The following TRIM17 variants were observed in gnomAD, a reference collection of about 807,000 sequenced individuals.
The protein encoded by TRIM17 is E3 ubiquitin-protein ligase TRIM17.
TRIM17 carries 27 observed loss-of-function variants against 35.8 expected under a neutral mutation model. The observed-to-expected ratio is 0.75, with a 90% confidence interval of 0.56 to 1.04. TRIM17 has a LOEUF of 1.04. Ranked by LOEUF, TRIM17 falls within the 50% of genes least tolerant of loss-of-function variation. TRIM17 has a pLI of 0.00. For synonymous variants in TRIM17, 246 were observed against 252.6 expected (o/e 0.97, Z 0.25); for missense variants, 582 against 612.8 (o/e 0.95, Z 0.53).
At chr1:228,409,316 G>A in intron 5 of TRIM17, 41 bp from the exon 6 acceptor site, 1 of 1,610,388 alleles carries the variant, frequency 6.2e-7, no homozygotes, top group Non-Finnish European at 8.5e-7. Flanking sequence ...TGACTCCCCT[G>A]GCCCGACAGT....
At chr1:228,415,337 T>C in intron 1 of TRIM17, 1 of 445,812 alleles carries the variant, frequency 2.2e-6, no homozygotes, top group Non-Finnish European at 4.0e-6. Context: ...TCCTCTCCAC[T>C]GGGCCTGGAC....
At chr1:228,415,851 C>T (rs1452219946) in intron 1 of TRIM17, 2 of 152,434 alleles carry the variant, frequency 1.3e-5, no homozygotes, top group Non-Finnish European at 2.9e-5. Flanking sequence ...CAAATACAAA[C>T]ATGTACGCAC....
chr1:228,415,467 A>G (rs1356813883), intron 1 of TRIM17: 1 of 188,228 alleles, frequency 5.3e-6, no homozygotes, highest in Non-Finnish European at 1.1e-5. Flanking sequence ...GAAGCCTGCT[A>G]GGTCAGCTTA....
Position 228,408,456 on chromosome 1 carries a change from C to T in TRIM17, c.1179G>A (p.Leu393=). Residue 393 remains leucine (L), a synonymous_variant, in exon 7 of 7, where the codon CTG becomes CTA. Transcript: ENST00000366698. The surrounding 1 kb of genome is among the most constrained non-coding windows in gnomAD (Gnocchi z 6.3). ...TGGATAAGTACTTGGTCCCCTTGGACAGCTGCACCACCCAGAAGCCGTTTT... is the reference window on the plus strand; with the variant it reads ...TGGATAAGTACTTGGTCCCCTTGGATAGCTGCACCACCCAGAAGCCGTTTT... ...CPENGFWVVQ[L]SKGTKYLSTF... 7 of 1,614,198 alleles carry T rather than the reference C, an allele frequency of 4.3e-6. No individual in the cohort carries two copies. The highest frequency in any genetic ancestry group is 5.9e-6 in the Non-Finnish European group (7 of 1,180,030).
In TRIM17 at chr1:228,416,579, C is replaced by T; in HGVS notation, c.-82G>A. 2 of 985,602 alleles carry T rather than the reference C, an allele frequency of 2.0e-6. No individual in the cohort carries two copies. The highest frequency in any genetic ancestry group is 1.1e-4 in the East Asian group (1 of 8,764). 61.1% of individuals were successfully genotyped at this position (985,602 alleles called of 1,614,324 possible). On this transcript the variant is annotated 5_prime_UTR_variant, in exon 1 of 7. Coordinates refer to ENST00000366698, the MANE Select transcript of TRIM17 (RefSeq NM_016102.4). ...CCCGCACAGCGCCTAGTGCACCTGG[C>T]CGAGCGCTCGCTGCCGGGAAAGGCT...
Position 228,408,151 on chromosome 1 carries a change from C to A in TRIM17, c.*50G>T, listed in dbSNP as rs781139852. On this transcript the variant is annotated 3_prime_UTR_variant, in exon 7 of 7. Coordinates refer to ENST00000366698, the MANE Select transcript of TRIM17 (RefSeq NM_016102.4). The surrounding 1 kb of genome is among the most constrained non-coding windows in gnomAD (Gnocchi z 6.3). ...AGGTGGCCTGCAGTAAGCAGAAGGCCCACACCTTCTGCAGAGCCAGGAGCA... is the reference window on the plus strand; with the variant it reads ...AGGTGGCCTGCAGTAAGCAGAAGGCACACACCTTCTGCAGAGCCAGGAGCA... The A allele has an allele frequency of 6.7e-7, 1 of 1,493,808 alleles. No individual in the cohort carries two copies. Among genetic ancestry groups the A allele is most frequent in the East Asian group, 2.3e-5 (1 of 43,508 alleles). 92.5% of individuals were successfully genotyped at this position (1,493,808 alleles called of 1,614,324 possible).
rs1009977722 is a variant in TRIM17, at chr1:228,416,458, C to T, written c.-42+81G>A. ...GGCGGGAAGGCCGGGCGTTGGAGGG[C>T]GAGGAGGACCGGGTTAGGCTTAGGT... is the stretch of plus-strand genomic sequence containing the variant. On this transcript the variant is annotated intron_variant, in intron 1 of 6. Transcript: ENST00000366698. The T allele has an allele frequency of 7.1e-6, 7 of 986,634 alleles. No homozygotes were observed. The African/African-American group carries it at 1.0e-4, about 15-fold the overall frequency. 61.1% of individuals were successfully genotyped at this position (986,634 alleles called of 1,614,324 possible). A position where few individuals can be genotyped will look rare whatever the true frequency, so the allele number is the denominator to read the frequency against.
chr1:228,409,168 T>G lies in TRIM17; in HGVS notation c.883+4A>C. On this transcript the variant is annotated splice_donor_region_variant and intron_variant, in intron 6 of 6. Transcript: ENST00000366698. ...AGAGGTCCTGGCCCTGGGTGCCCAC[T>G]TACCTAGAAAGCCTCTTAGCACTTC... 1 of 1,614,032 alleles carries G rather than the reference T, an allele frequency of 6.2e-7. No homozygotes were observed.
At position 228,411,816 on chromosome 1, in the gene TRIM17, A is replaced by G. The variant is rs547698711; in HGVS notation, c.526-640T>C. On this transcript the variant is annotated intron_variant, in intron 3 of 6. Transcript: ENST00000366698. This position sits in a 1 kb window ranked among gnomAD's most constrained non-coding sequence, Gnocchi z 4.2. ...CCCAGCTAATTTTTAATTTTTTTGTAGAGACAGGGTCTTGCTATGTTGCCC... is the reference window on the plus strand; with the variant it reads ...CCCAGCTAATTTTTAATTTTTTTGTGGAGACAGGGTCTTGCTATGTTGCCC... Among the ~76,000 whole-genome samples, 3 of 151,388 alleles carry G rather than the reference A, an allele frequency of 2.0e-5. No homozygotes were observed. The highest frequency in any genetic ancestry group is 2.0e-4 in the East Asian group (1 of 5,066).
chr1:228,409,080 C>A, intron 6 of TRIM17, 92 bp downstream of exon 6: 1 of 1,613,722 alleles, frequency 6.2e-7, no homozygotes, highest in Non-Finnish European at 8.5e-7. Context: ...TTGTAGAACC[C>A]CCCCCATTGG....
At chr1:228,413,741 A>G in intron 3 of TRIM17, 56 bp downstream of exon 3, 5 of 1,445,196 alleles carry the variant, frequency 3.5e-6, no homozygotes, top group Non-Finnish European at 4.9e-6. Context: ...CAGACGTGGA[A>G]ATGCAGGAAG....
intron 4 of TRIM17, 41 bp from the exon 5 acceptor site, chr1:228,409,452 T>C: frequency 6.8e-7 from 1 of 1,474,574 alleles, no homozygotes; most frequent in Non-Finnish European, 9.0e-7. Context: ...TGAGCCAAGC[T>C]CCTGGCTCAC....
intron 6 of TRIM17, 89 bp downstream of exon 6, chr1:228,409,083 C>T (rs760089627): frequency 1.9e-6 from 3 of 1,613,708 alleles, no homozygotes; most frequent in Non-Finnish European, 2.5e-6. Context: ...TAGAACCCCC[C>T]CCATTGGTGG....
chr1:228,413,225 A>G (rs1324001140), intron 3 of TRIM17, among the ~76,000 whole-genome samples: 1 of 151,998 alleles, frequency 6.6e-6, no homozygotes, highest in East Asian at 1.9e-4. Context: ...AAAAAAAAAA[A>G]AAAAAATTAA....
In TRIM17 at chr1:228,414,913, G is replaced by A. The variant is rs369849895; in HGVS notation, c.160C>T (p.Arg54Trp). ...CAGGGGAAGGAGCCCTTCCGCTTCC[G>A]CCTCCCCTTCTTGCCCCTCGCCTTT... ...WEKARGKKGR[R>W]KRKGSFPCPE... The change falls in exon 2 of 7, where the codon CGG becomes TGG. Residue 54 changes from arginine to tryptophan, a missense_variant. Arg to Trp is a moderately radical substitution (Grantham distance 101). Coordinates refer to ENST00000366698, the MANE Select transcript of TRIM17 (RefSeq NM_016102.4). The A allele has an allele frequency of 9.3e-6, 15 of 1,613,360 alleles. No homozygotes were observed. Among genetic ancestry groups the A allele is most frequent in the Non-Finnish European group, 1.2e-5 (14 of 1,180,008 alleles).
At position 228,416,722 on chromosome 1, in the gene TRIM17, G is replaced by GGGGGGGGGGGGGGGGGGGGGGGGGGGC; in HGVS notation, c.-226_-225insGCCCCCCCCCCCCCCCCCCCCCCCCCC. 1.8e-6 allele frequency: 1 copy of GGGGGGGGGGGGGGGGGGGGGGGGGGGC among 567,958 alleles called. No homozygotes were observed. The highest frequency in any genetic ancestry group is 2.2e-6 in the Non-Finnish European group (1 of 453,458). 35.2% of individuals were successfully genotyped at this position (567,958 alleles called of 1,614,324 possible). The stretch of plus-strand genomic sequence containing the variant: ...GGGGCTGGGGGGCGGCGGGGGAGGG[G>GGGGGGGGGGGGGGGGGGGGGGGGGGGC]AATGCTGGGCGAGGGAGTGTTCGGC... On this transcript the variant is annotated 5_prime_UTR_variant, in exon 1 of 7. Coordinates refer to ENST00000366698, the MANE Select transcript of TRIM17 (RefSeq NM_016102.4).
At position 228,408,134 on chromosome 1, in the gene TRIM17, T is replaced by C. The variant is rs1656537320; in HGVS notation, c.*67A>G. 2.1e-6 allele frequency: 3 copies of C among 1,458,236 alleles called. No individual in the cohort carries two copies. The highest frequency in any genetic ancestry group is 2.4e-5 in the Admixed American group (1 of 41,838). The allele number at this position is 1,458,236 out of a possible 1,614,324, so 90.3% of individuals were successfully genotyped here. Reference sequence around the variant, plus strand: ...TGCCAGAGAACCCTGGCAGGTGGCCTGCAGTAAGCAGAAGGCCCACACCTT... The same window carrying C: ...TGCCAGAGAACCCTGGCAGGTGGCCCGCAGTAAGCAGAAGGCCCACACCTT... On this transcript the variant is annotated 3_prime_UTR_variant, in exon 7 of 7. Coordinates refer to ENST00000366698, the MANE Select transcript of TRIM17 (RefSeq NM_016102.4). This position sits in a 1 kb window ranked among gnomAD's most constrained non-coding sequence, Gnocchi z 6.3.
At position 228,415,027 on chromosome 1, in the gene TRIM17, A is replaced by G. The variant is rs752080037; in HGVS notation, c.46T>C (p.Cys16Arg). The G allele has an allele frequency of 2.5e-6, 4 of 1,610,046 alleles. No homozygotes were observed. Among genetic ancestry groups the G allele is most frequent in the Non-Finnish European group, 3.4e-6 (4 of 1,177,598 alleles). Residue 16 changes from cysteine (C) to arginine (R), a missense_variant, in exon 2 of 7, where the codon TGC becomes CGC. Cys to Arg is a radical substitution (Grantham distance 180, BLOSUM62 -3). Coordinates refer to ENST00000366698, the MANE Select transcript of TRIM17 (RefSeq NM_016102.4). ...GTGAAGTAATCCAGACAGATGGAGC[A>G]CGTAGCTTCCTCCTGCAGTTTTCTG... ...LARKLQEEAT[C>R]SICLDYFTDP... is the part of the protein sequence containing the mutation.
At chr1:228,409,079 C>G (rs766731922) in intron 6 of TRIM17, 93 bp downstream of exon 6, 42 of 1,613,520 alleles carry the variant, frequency 2.6e-5, no homozygotes, top group Non-Finnish European at 3.2e-5. Context: ...CTTGTAGAAC[C>G]CCCCCCATTG....
Sources: allele counts gnomAD v4.1 joint callset (sites outside exome capture counted in the v4.1 genomes callset), GRCh38; gene constraint gnomAD v4.1.1; non-coding constraint Gnocchi (gnomAD v3.1); transcripts MANE v1.5; gene names NCBI Gene and HGNC (gene_info 2026-07-23, HGNC 2026-07-21).